The following GMPS variants were observed in gnomAD, a reference collection of about 807,000 sequenced individuals.
GMPS encodes guanosine monophosphate synthase.
In GMPS, 15 loss-of-function variants were observed where a neutral mutation model predicts 77.9. That is an observed-to-expected ratio of 0.19 (90% CI 0.13 to 0.30). GMPS has a LOEUF of 0.30. Among genes scored for constraint, GMPS ranks in the 10% least tolerant of loss-of-function variants. The probability of loss-of-function intolerance (pLI) is 1.00; values close to 1 mark genes in which losing one functional copy is unlikely to be tolerated. For missense variants in GMPS, 590 were observed against 838.8 expected (o/e 0.70, Z 3.66); for synonymous variants, 224 against 275.9 (o/e 0.81, Z 1.86).
Position 155,939,623 on chromosome 3 carries a change from A to G in GMPS, c.*1931A>G, listed in dbSNP as rs901849769. ...TTCTGCTTAAATTAGTGTTTTCCTGATATTTGTTTTTTGAACACCTTTTAT... is the reference window on the plus strand; with the variant it reads ...TTCTGCTTAAATTAGTGTTTTCCTGGTATTTGTTTTTTGAACACCTTTTAT... On this transcript the variant is annotated 3_prime_UTR_variant, in exon 16 of 16. Transcript: ENST00000496455. The G allele has an allele frequency of 1.7e-4, 34 of 195,770 alleles. No individual in the cohort carries two copies. The highest frequency in any genetic ancestry group is 7.8e-4 in the African/African-American group (34 of 43,398). 12.1% of individuals were successfully genotyped at this position (195,770 alleles called of 1,614,324 possible).
At position 155,874,849 on chromosome 3, in the gene GMPS, T is replaced by G. The variant is rs545187474; in HGVS notation, c.27+3952T>G. Among the ~76,000 whole-genome samples, 35 of 152,034 alleles carry G rather than the reference T, an allele frequency of 2.3e-4. 1 individual carries two copies. Among genetic ancestry groups the G allele is most frequent in the African/African-American group, 8.2e-4 (34 of 41,520 alleles). On this transcript the variant is annotated intron_variant, in intron 1 of 15. Transcript: ENST00000496455. ...TTTGAAGTAATGAATAATTATTTGC[T>G]ACCCAGAATAATCAAATTTTGCTGT...
chr3:155,937,166 C>G (rs995575951), intron 15 of GMPS, among the ~76,000 whole-genome samples: 3 of 152,170 alleles, frequency 2.0e-5, no homozygotes, highest in African/African-American at 7.2e-5. Flanking sequence ...ATGATTATTA[C>G]AGTGTACTCT....
chr3:155,918,031 A>G (rs1350220464), intron 9 of GMPS, among the ~76,000 whole-genome samples: 1 of 152,174 alleles, frequency 6.6e-6, no homozygotes, highest in Admixed American at 6.5e-5. Flanking sequence ...TGAGGAACTT[A>G]TTGTCCATAG....
At chr3:155,894,324 G>C (rs1052605096) in intron 2 of GMPS, among the ~76,000 whole-genome samples, 15 of 152,054 alleles carry the variant, frequency 9.9e-5, no homozygotes, top group African/African-American at 1.7e-4. Flanking sequence ...CCCAGGTTCA[G>C]GTGATGCTCC....
chr3:155,879,956 T>G (rs200353096), intron 1 of GMPS, among the ~76,000 whole-genome samples: 11,274 of 151,788 alleles, frequency 0.074, 546 homozygotes, highest in Middle Eastern at 0.18. Context: ...TTAAGAGTTT[T>G]TTTTTTTTAA....
At chr3:155,925,435 C>CAAGAAA in intron 12 of GMPS, 69 bp downstream of exon 12, 11 of 1,307,858 alleles carry the variant, frequency 8.4e-6, no homozygotes, top group Non-Finnish European at 1.2e-5. Context: ...GACGGAGTCT[C>CAAGAAA]ACTGTGTTGC....
intron 13 of GMPS, among the ~76,000 whole-genome samples, chr3:155,933,289 G>C (rs4679757): frequency 0.19 from 29,557 of 152,090 alleles, 3,032 homozygotes; most frequent in South Asian, 0.26. Context: ...ATTCTTCCCT[G>C]TTTGCCGGTT....
chr3:155,898,988 T>C (rs1287734243), intron 3 of GMPS, among the ~76,000 whole-genome samples: 1 of 152,232 alleles, frequency 6.6e-6, no homozygotes, highest in Non-Finnish European at 1.5e-5. Flanking sequence ...CTTAGCACTT[T>C]GGGAGGCCGA....
intron 1 of GMPS, among the ~76,000 whole-genome samples, chr3:155,883,052 C>CT (rs1396897062): frequency 1.3e-5 from 2 of 152,118 alleles, no homozygotes; most frequent in Admixed American, 6.6e-5. Flanking sequence ...TTGTGACACT[C>CT]TATTACTTGA....
At chr3:155,874,636 C>T (rs151105404) in intron 1 of GMPS, among the ~76,000 whole-genome samples, 6 of 151,306 alleles carry the variant, frequency 4.0e-5, no homozygotes, top group African/African-American at 1.2e-4. Context: ...TGTTCTTAGA[C>T]CTGAAAGGTT....
chr3:155,911,235 A>G lies in GMPS; in HGVS notation c.842A>G (p.Gln281Arg). Residue 281 changes from glutamine (Q) to arginine (R), a missense_variant, in exon 7 of 16, where the codon CAG becomes CGG. Gln to Arg is a conservative substitution (Grantham distance 43, BLOSUM62 1). Coordinates refer to ENST00000496455, the MANE Select transcript of GMPS (RefSeq NM_003875.3). ...GGCTTTATGAGAAAACGAGAAAGCC[A>G]GTCTGTTGAAGAGGCCCTCAAAAAG... ...DNGFMRKRESQSVEEALKKLG... is the reference protein window; with the variant it reads ...DNGFMRKRESRSVEEALKKLG... 1.9e-6 allele frequency: 3 copies of G among 1,612,728 alleles called. No individual in the cohort carries two copies. The highest frequency in any genetic ancestry group is 1.7e-4 in the Middle Eastern group (1 of 6,054).
At chr3:155,873,828 G>C (rs1753964797) in intron 1 of GMPS, among the ~76,000 whole-genome samples, 1 of 151,246 alleles carries the variant, frequency 6.6e-6, no homozygotes, top group Non-Finnish European at 1.5e-5. Context: ...GTAGAGACAG[G>C]GTTTCACTGT....
chr3:155,936,606 A>T, intron 15 of GMPS, 96 bp downstream of exon 15: 1 of 720,574 alleles, frequency 1.4e-6, no homozygotes, highest in Non-Finnish European at 2.3e-6. Flanking sequence ...TGTATTTCTT[A>T]TGTTGGTTTT....
At chr3:155,886,096 C>T (rs1319839635) in intron 1 of GMPS, among the ~76,000 whole-genome samples, 4 of 151,760 alleles carry the variant, frequency 2.6e-5, no homozygotes, top group African/African-American at 4.8e-5. Flanking sequence ...GCTGGGATTA[C>T]AGGTGTGAGC....
At chr3:155,916,853 C>T (rs1755192886) in intron 9 of GMPS, among the ~76,000 whole-genome samples, 1 of 152,156 alleles carries the variant, frequency 6.6e-6, no homozygotes, top group African/African-American at 2.4e-5. Context: ...AATGATGATA[C>T]AATTTTACAT....
chr3:155,893,521 G>A lies in GMPS; in HGVS notation c.31G>A (p.Glu11Lys). The change falls in exon 2 of 16, where the codon GAG becomes AAG. Residue 11 changes from glutamate (E) to lysine (K), a missense_variant. Glu to Lys is a moderately conservative substitution (Grantham distance 56). Coordinates refer to ENST00000496455, the MANE Select transcript of GMPS (RefSeq NM_003875.3). ...GTATTTGTATTGATATTTGCAGCTG[G>A]AGAATGCTGGAGGAGACCTTAAGGA... MALCNGDSKL[E>K]NAGGDLKDGH... 1 of 1,588,208 alleles carries A rather than the reference G, an allele frequency of 6.3e-7. No homozygotes were observed. Among genetic ancestry groups the A allele is most frequent in the Non-Finnish European group, 8.6e-7 (1 of 1,168,144 alleles).
rs1577540654 is a variant in GMPS at position 155,937,926 on chromosome 3, C to T, written c.*234C>T. 1.7e-5 allele frequency: 7 copies of T among 407,652 alleles called. No homozygotes were observed. The East Asian group carries it at 2.5e-4, about 15-fold the overall frequency. 25.3% of individuals were successfully genotyped at this position (407,652 alleles called of 1,614,324 possible). Reference sequence around the variant, plus strand: ...TTGCCTACACTCAGACAGATTGATACTGCTTTTGCCTTTGCCTCACTTATT... The same window carrying T: ...TTGCCTACACTCAGACAGATTGATATTGCTTTTGCCTTTGCCTCACTTATT... On this transcript the variant is annotated 3_prime_UTR_variant, in exon 16 of 16. Transcript: ENST00000496455.
chr3:155,921,251 A>G (rs894751557), intron 10 of GMPS, among the ~76,000 whole-genome samples: 7 of 152,158 alleles, frequency 4.6e-5, no homozygotes, highest in African/African-American at 7.2e-5. Context: ...AGAGTCTGTC[A>G]AAATAAAATA....
At chr3:155,902,016 A>G (rs531493924) in intron 3 of GMPS, among the ~76,000 whole-genome samples, 7 of 152,192 alleles carry the variant, frequency 4.6e-5, no homozygotes, top group Non-Finnish European at 1.0e-4. Context: ...TAAAACTTAT[A>G]AAACTTTGAC....
Sources: gnomAD v4.1 joint callset for allele counts (sites outside exome capture counted in the v4.1 genomes callset) on GRCh38, gnomAD v4.1.1 for gene constraint, MANE v1.5 for transcripts, NCBI Gene and HGNC (gene_info 2026-07-23, HGNC 2026-07-21) for gene names.